Variants in ADGRL3 observed in about 807,000 individuals in gnomAD.
The protein encoded by ADGRL3 is calcium-independent alpha-latrotoxin receptor 3.
A neutral mutation model predicts 153.5 loss-of-function variants in ADGRL3; 62 were observed. The observed-to-expected ratio is 0.40, with a 90% CI of 0.33 to 0.50. The LOEUF is 0.50. Among genes scored for constraint, ADGRL3 ranks in the 20% least tolerant of loss-of-function variants. The pLI is 0.47. For missense variants in ADGRL3, 1,641 were observed against 1,859.4 expected (o/e 0.88, Z 2.16); for synonymous variants, 710 against 672.5 (o/e 1.06, Z -0.86).
chr4:61,479,270 A>G (rs1026357468), intron 2 of ADGRL3, among the ~76,000 whole-genome samples: 11 of 152,110 alleles, frequency 7.2e-5, no homozygotes, highest in Non-Finnish European at 1.3e-4. Context: ...GAAAATTTAC[A>G]TAATTTAAAA....
At chr4:62,007,449 TATATATAC>T (rs1440931540) in intron 21 of ADGRL3, among the ~76,000 whole-genome samples, 4 of 116,626 alleles carry the variant, frequency 3.4e-5, no homozygotes, top group Non-Finnish European at 5.2e-5. Flanking sequence ...TACACACACA[TATATATAC>T]ATATATGTGT....
At chr4:61,259,585 C>T (rs992664237) in intron 1 of ADGRL3, among the ~76,000 whole-genome samples, 1 of 152,032 alleles carries the variant, frequency 6.6e-6, no homozygotes, top group African/African-American at 2.4e-5. Flanking sequence ...CACTTTTATC[C>T]TCGTAGTGTT....
intron 1 of ADGRL3, among the ~76,000 whole-genome samples, chr4:61,328,908 G>A (rs564917680): frequency 9.0e-4 from 137 of 152,154 alleles, no homozygotes; most frequent in African/African-American, 2.6e-3. Context: ...GCAGTGATTC[G>A]TCCTGCTCTG....
chr4:61,670,453 C>T (rs920034275), intron 5 of ADGRL3, among the ~76,000 whole-genome samples: 7 of 151,966 alleles, frequency 4.6e-5, no homozygotes, highest in African/African-American at 7.3e-5. Context: ...ATGTTATAAT[C>T]GAACATGAGA....
chr4:61,438,881 G>A (rs1488078785), intron 2 of ADGRL3, among the ~76,000 whole-genome samples: 2 of 151,870 alleles, frequency 1.3e-5, no homozygotes, highest in African/African-American at 4.8e-5. Flanking sequence ...CTAATTTTTT[G>A]TATTTTTAGT....
At chr4:62,061,681 G>T (rs897415645) in intron 25 of ADGRL3, among the ~76,000 whole-genome samples, 1 of 151,938 alleles carries the variant, frequency 6.6e-6, no homozygotes, top group African/African-American at 2.4e-5. Flanking sequence ...GTCATTTCAA[G>T]AACATTACAC....
In ADGRL3 at chr4:61,948,264, T is replaced by G; in HGVS notation, c.2793T>G (p.His931Gln). Residue 931 changes from histidine (H) to glutamine (Q), a missense_variant, in exon 17 of 27, where the codon CAT becomes CAG. Around this residue, in one of 5 missense-constraint regions of ADGRL3, gnomAD observed 734 missense variants for 797.0 expected, o/e 0.92. Transcript: ENST00000683033. ...CAAATTTTGCAGTACTGATGGCACA[T>G]GTGGAAGTTAAGGTAAGATATATAC... ...HLTNFAVLMA[H>Q]VEVKHSDAVH... 6.2e-7 allele frequency: 1 copy of G among 1,613,386 alleles called. No individual in the cohort carries two copies. Among genetic ancestry groups the G allele is most frequent in the Non-Finnish European group, 8.5e-7 (1 of 1,179,402 alleles).
At chr4:62,013,070 G>A (rs1179566885) in intron 21 of ADGRL3, among the ~76,000 whole-genome samples, 1 of 152,120 alleles carries the variant, frequency 6.6e-6, no homozygotes, top group African/African-American at 2.4e-5. Flanking sequence ...AAACATTTGC[G>A]ACTGTCAGAT....
At chr4:61,631,211 C>A (rs956644968) in intron 5 of ADGRL3, among the ~76,000 whole-genome samples, 3 of 152,138 alleles carry the variant, frequency 2.0e-5, no homozygotes, top group African/African-American at 7.2e-5. Context: ...ATCCTGACTT[C>A]ACCTAGATCA....
At chr4:61,788,285 A>T (rs2152420388) in intron 8 of ADGRL3, among the ~76,000 whole-genome samples, 1 of 152,290 alleles carries the variant, frequency 6.6e-6, no homozygotes, top group South Asian at 2.1e-4. Flanking sequence ...TCCCACCTCA[A>T]TCCCCTCCTA....
In ADGRL3 at chr4:61,419,359, A is replaced by C. The variant is rs111834959; in HGVS notation, c.-174+36170A>C. The stretch of plus-strand genomic sequence containing the variant: ...ACATTTAAGAAAGAATAATGAAAAC[A>C]AGTGAGATAACTATTTATTCACTTA... On this transcript the variant is annotated intron_variant, in intron 2 of 26. Transcript: ENST00000683033. Among the ~76,000 whole-genome samples, 367 of 150,920 alleles carry C rather than the reference A, an allele frequency of 2.4e-3. 26 individuals carry two copies. The highest frequency in any genetic ancestry group is 8.6e-3 in the African/African-American group (351 of 40,764).
intron 1 of ADGRL3, among the ~76,000 whole-genome samples, chr4:61,370,069 G>C (rs1352082018): frequency 1.3e-5 from 2 of 151,956 alleles, no homozygotes; most frequent in Non-Finnish European, 2.9e-5. Flanking sequence ...TGGGATCGGT[G>C]GTGATATCCC....
intron 5 of ADGRL3, among the ~76,000 whole-genome samples, chr4:61,596,690 C>T (rs2098990523): frequency 6.6e-6 from 1 of 151,918 alleles, no homozygotes; most frequent in Non-Finnish European, 1.5e-5. Flanking sequence ...TCGTCTCTAC[C>T]AAAAATTAAA....
At chr4:61,843,510 A>AT (rs2098065377) in intron 9 of ADGRL3, among the ~76,000 whole-genome samples, 1 of 152,180 alleles carries the variant, frequency 6.6e-6, no homozygotes. Flanking sequence ...ACAATATGCA[A>AT]GAGGAGCCAT....
At chr4:61,249,564 CAGA>C (rs1560383694) in intron 1 of ADGRL3, among the ~76,000 whole-genome samples, 1 of 151,642 alleles carries the variant, frequency 6.6e-6, no homozygotes, top group Non-Finnish European at 1.5e-5. Flanking sequence ...AGGAAACAAA[CAGA>C]GTGACAAAAG....
At chr4:61,583,937 G>A (rs2098936128) in intron 4 of ADGRL3, among the ~76,000 whole-genome samples, 1 of 151,868 alleles carries the variant, frequency 6.6e-6, no homozygotes, top group Non-Finnish European at 1.5e-5. Context: ...TGTTAACCTG[G>A]CACAACATGC....
chr4:61,344,432 T>C (rs1440375186), intron 1 of ADGRL3, among the ~76,000 whole-genome samples: 1 of 152,206 alleles, frequency 6.6e-6, no homozygotes, highest in Non-Finnish European at 1.5e-5. Flanking sequence ...TGTCAGAGAC[T>C]AATTGTAATT....
chr4:61,290,247 A>G (rs548512788), intron 1 of ADGRL3, among the ~76,000 whole-genome samples: 136 of 152,184 alleles, frequency 8.9e-4, no homozygotes, highest in African/African-American at 3.0e-3. Context: ...ATCTTTATGA[A>G]ATTTATCTGA....
chr4:61,243,541 TAG>T (rs975401079), intron 1 of ADGRL3, among the ~76,000 whole-genome samples: 5 of 152,030 alleles, frequency 3.3e-5, no homozygotes, highest in Non-Finnish European at 7.4e-5. Context: ...GAGAGAGACT[TAG>T]AGTTTCCTCT....
Sources: allele counts gnomAD v4.1 joint callset (sites outside exome capture counted in the v4.1 genomes callset), GRCh38; gene constraint gnomAD v4.1.1; regional missense constraint gnomAD v4.1.1; transcripts MANE v1.5; gene names NCBI Gene and HGNC (gene_info 2026-07-23, HGNC 2026-07-21).